Variants in ZNF503 observed in about 807,000 individuals in gnomAD.
ZNF503 encodes the protein NocA-like zinc finger 2.
ZNF503 carries 15 observed loss-of-function variants against 34.4 expected under a neutral mutation model. The ratio of observed to expected loss-of-function variants is 0.44; its 90% CI spans 0.29 to 0.67. The LOEUF (loss-of-function observed/expected upper bound fraction) is 0.67. Among genes scored for constraint, ZNF503 ranks in the 30% least tolerant of loss-of-function variants. ZNF503 has a pLI of 0.13. For synonymous variants in ZNF503, 580 were observed against 456.8 expected (o/e 1.27, Z -3.44); for missense variants, 1,007 against 926.8 (o/e 1.09, Z -1.12).
chr10:75,396,800 G>GA (rs1843706298), downstream of ZNF503, among the ~76,000 whole-genome samples: 1 of 152,138 alleles, frequency 6.6e-6, no homozygotes, highest in Non-Finnish European at 1.5e-5. The surrounding 1 kb of genome is among the most constrained non-coding windows in gnomAD (Gnocchi z 4.4). Flanking sequence ...TAGCGCCCAG[G>GA]CCTGGAGCGT....
the ZNF503 span, among the ~76,000 whole-genome samples, chr10:75,352,546 A>G: frequency 6.6e-6 from 1 of 152,138 alleles, no homozygotes; most frequent in Non-Finnish European, 1.5e-5. Context: ...ACTTGACGTG[A>G]GCCTCTCTTC....
At chr10:75,333,163 T>G in the ZNF503 span, among the ~76,000 whole-genome samples, 1 of 123,400 alleles carries the variant, frequency 8.1e-6, no homozygotes. Flanking sequence ...GGCTCCTCAC[T>G]TCCCAGTAGG....
downstream of ZNF503, among the ~76,000 whole-genome samples, chr10:75,395,284 A>T (rs1740864828): frequency 6.6e-6 from 1 of 152,244 alleles, no homozygotes; most frequent in Non-Finnish European, 1.5e-5. The surrounding 1 kb of genome is among the most constrained non-coding windows in gnomAD (Gnocchi z 4.4). Context: ...CAAGCGCAGA[A>T]GCTGGAGCGG....
the ZNF503 span, among the ~76,000 whole-genome samples, chr10:75,377,465 G>T: frequency 6.6e-6 from 1 of 152,160 alleles, no homozygotes; most frequent in Admixed American, 6.5e-5. Flanking sequence ...GAGTTTTTCA[G>T]GGTCCCATTC....
At chr10:75,396,592 C>T (rs1589132162), downstream of ZNF503, among the ~76,000 whole-genome samples, 1 of 152,186 alleles carries the variant, frequency 6.6e-6, no homozygotes, top group South Asian at 2.1e-4. The surrounding 1 kb of genome is among the most constrained non-coding windows in gnomAD (Gnocchi z 4.4). Context: ...AGGCTGACTT[C>T]GCGCGGCCGT....
At chr10:75,297,901 T>C in the ZNF503 span, among the ~76,000 whole-genome samples, 3 of 152,340 alleles carry the variant, frequency 2.0e-5, no homozygotes, top group East Asian at 3.9e-4. Flanking sequence ...TCCCCAACTG[T>C]TTACCATGTG....
At chr10:75,332,821 G>C in the ZNF503 span, among the ~76,000 whole-genome samples, 5 of 145,314 alleles carry the variant, frequency 3.4e-5, no homozygotes, top group East Asian at 9.9e-4. Flanking sequence ...GGATCCCAAG[G>C]CAGAGGAATT....
chr10:75,394,481 C>T (rs996953024), downstream of ZNF503, among the ~76,000 whole-genome samples: 1 of 152,222 alleles, frequency 6.6e-6, no homozygotes, highest in Non-Finnish European at 1.5e-5. Flanking sequence ...GGGGATAAGT[C>T]CCACCTTCTG....
chr10:75,328,793 C>T, the ZNF503 span, among the ~76,000 whole-genome samples: 845 of 144,080 alleles, frequency 5.9e-3, 8 homozygotes, highest in African/African-American at 0.021. Flanking sequence ...GTCTCCCAGA[C>T]TGGAGTGCAG....
the ZNF503 span, among the ~76,000 whole-genome samples, chr10:75,375,769 A>G: frequency 6.6e-6 from 1 of 152,178 alleles, no homozygotes; most frequent in Non-Finnish European, 1.5e-5. Flanking sequence ...TGCCCACCTC[A>G]GCCTTCCAAA....
At chr10:75,345,858 T>G in the ZNF503 span, among the ~76,000 whole-genome samples, 3 of 151,140 alleles carry the variant, frequency 2.0e-5, no homozygotes, top group Non-Finnish European at 4.4e-5. Context: ...CACATAGGAG[T>G]GTGAAATAAA....
Position 75,399,690 on chromosome 10 carries a change from A to C in ZNF503, c.1000T>G (p.Ser334Ala). 5 of 1,600,480 alleles carry C rather than the reference A, an allele frequency of 3.1e-6. No homozygotes were observed. The highest frequency in any genetic ancestry group is 4.2e-6 in the Non-Finnish European group (5 of 1,179,292). ...SAPTSSSVLG[S>A]GLVAPVSPYK... ...GGTGACACGGGAGCCACCAGCCCAG[A>C]GCCCAACACTGAGGAGGAGGTGGGC... The change falls in exon 2 of 2, where the codon TCT becomes GCT. Residue 334 changes from serine to alanine, a missense_variant. Coordinates refer to ENST00000372524, the MANE Select transcript of ZNF503 (RefSeq NM_032772.6).
chr10:75,336,046 G>A, the ZNF503 span, among the ~76,000 whole-genome samples: 1 of 152,186 alleles, frequency 6.6e-6, no homozygotes, highest in Non-Finnish European at 1.5e-5. Context: ...TCATAAGACT[G>A]GAGAAACCTG....
At chr10:75,340,311 G>T in the ZNF503 span, among the ~76,000 whole-genome samples, 1 of 152,172 alleles carries the variant, frequency 6.6e-6, no homozygotes, top group African/African-American at 2.4e-5. Context: ...AACTCTACTG[G>T]TGGGAGTGTA....
At chr10:75,318,486 T>C in the ZNF503 span, among the ~76,000 whole-genome samples, 4 of 151,846 alleles carry the variant, frequency 2.6e-5, no homozygotes, top group Admixed American at 6.6e-5. Flanking sequence ...CTGGGCAACA[T>C]AGTGAGACCC....
At chr10:75,309,253 T>G in the ZNF503 span, among the ~76,000 whole-genome samples, 1 of 152,308 alleles carries the variant, frequency 6.6e-6, no homozygotes, top group East Asian at 1.9e-4. Flanking sequence ...TTCAGAAAAT[T>G]TCGTAAACTT....
the ZNF503 span, among the ~76,000 whole-genome samples, chr10:75,306,618 T>C: frequency 6.6e-6 from 1 of 152,202 alleles, no homozygotes; most frequent in Non-Finnish European, 1.5e-5. Context: ...TTTGAATGTG[T>C]TGTGTTTTTT....
chr10:75,392,047 G>A, the ZNF503 span, among the ~76,000 whole-genome samples: 1 of 152,196 alleles, frequency 6.6e-6, no homozygotes, highest in African/African-American at 2.4e-5. Flanking sequence ...GAACTTTTGT[G>A]TTGCTGGTAA....
At chr10:75,350,655 C>T in the ZNF503 span, among the ~76,000 whole-genome samples, 1 of 152,146 alleles carries the variant, frequency 6.6e-6, no homozygotes. Flanking sequence ...TCAAGCAATC[C>T]TCCTGCCTCA....
Sources: allele counts gnomAD v4.1 joint callset (sites outside exome capture counted in the v4.1 genomes callset), GRCh38; gene constraint gnomAD v4.1.1; non-coding constraint Gnocchi (gnomAD v3.1); transcripts MANE v1.5; gene names NCBI Gene and HGNC (gene_info 2026-07-23, HGNC 2026-07-21).